Variants in SLC4A5 observed in about 807,000 individuals in gnomAD.
SLC4A5 encodes the protein electrogenic sodium bicarbonate cotransporter 4.
A neutral mutation model predicts 120.4 loss-of-function variants in SLC4A5; 96 were observed. The observed-to-expected ratio is 0.80, with a 90% CI of 0.68 to 0.94. The LOEUF (loss-of-function observed/expected upper bound fraction) is 0.94. Among genes scored for constraint, SLC4A5 ranks in the 40% least tolerant of loss-of-function variants. The probability of loss-of-function intolerance (pLI) is 0.00; values close to 1 mark genes in which losing one functional copy is unlikely to be tolerated. For missense variants in SLC4A5, 1,259 were observed against 1,459.5 expected, an observed-to-expected ratio of 0.86 and a Z score of 2.24; for synonymous variants, 550 against 571.1, an observed-to-expected ratio of 0.96 and a Z score of 0.53.
At chr2:74,284,159 T>C (rs1322269642) in intron 8 of SLC4A5, among the ~76,000 whole-genome samples, 8 of 117,556 alleles carry the variant, frequency 6.8e-5, no homozygotes, top group African/African-American at 4.1e-4. Context: ...TTATTCCTTA[T>C]TTCTTTTTTT....
In SLC4A5 at chr2:74,309,757, G is replaced by A. The variant is rs868468320; in HGVS notation, c.80-5077C>T. On this transcript the variant is annotated intron_variant, in intron 6 of 30. Transcript: ENST00000394019. ...TGCAAGCTCTGCCTCCCGGGTTCAC[G>A]CCATTCTCCTGCCTCAGGGTCCTGA... Among the ~76,000 whole-genome samples, 93 of 151,220 alleles carry A rather than the reference G, an allele frequency of 6.1e-4. 1 individual carries two copies. The highest frequency in any genetic ancestry group is 2.1e-3 in the African/African-American group (87 of 41,164).
chr2:74,255,807 C>T lies in SLC4A5; in HGVS notation c.993G>A (p.Leu331=). 1.9e-6 allele frequency: 3 copies of T among 1,614,220 alleles called. No homozygotes were observed. The highest frequency in any genetic ancestry group is 8.5e-7 in the Non-Finnish European group (1 of 1,180,036). Residue 331 remains leucine, a synonymous_variant, in exon 13 of 31, where the codon CTG becomes CTA. Coordinates refer to ENST00000394019, the Ensembl canonical transcript of SLC4A5. This position sits in a 1 kb window ranked among gnomAD's most constrained non-coding sequence, Gnocchi z 4.0. Reference sequence around the variant, plus strand: ...GGACAGGCACCTCGGTCACTCCTCCCAGCATGGCCGACTGGATGAGGCGCA... The same window carrying T: ...GGACAGGCACCTCGGTCACTCCTCCTAGCATGGCCGACTGGATGAGGCGCA...
chr2:74,249,607 C>T (rs62147689), intron 17 of SLC4A5, among the ~76,000 whole-genome samples: 3,470 of 152,222 alleles, frequency 0.023, 64 homozygotes, highest in Non-Finnish European at 0.037. Flanking sequence ...TGCTTAGTTT[C>T]CGGTGTAGAC....
intron 14 of SLC4A5, among the ~76,000 whole-genome samples, chr2:74,253,750 C>T (rs749964543): frequency 6.6e-6 from 1 of 152,118 alleles, no homozygotes; most frequent in African/African-American, 2.4e-5. Context: ...AAAGAACTAA[C>T]ATTGGAATCA....
exon 21 of SLC4A5, chr2:74,239,369 T>C: frequency 6.2e-7 from 1 of 1,614,192 alleles, no homozygotes; most frequent in Non-Finnish European, 8.5e-7. Context: ...TTTGAACTTC[T>C]TCAGGGTCAG....
intron 20 of SLC4A5, among the ~76,000 whole-genome samples, chr2:74,241,710 C>A (rs1670453022): frequency 6.7e-6 from 1 of 149,416 alleles, no homozygotes; most frequent in Non-Finnish European, 1.5e-5. Context: ...CCACTGCTCT[C>A]CAGCCTGGGC....
chr2:74,286,812 A>C (rs1159605738), intron 7 of SLC4A5, among the ~76,000 whole-genome samples: 2 of 152,108 alleles, frequency 1.3e-5, no homozygotes, highest in African/African-American at 4.8e-5. Context: ...AGAACGAGCC[A>C]CTCTGCAGAT....
intron 12 of SLC4A5, among the ~76,000 whole-genome samples, chr2:74,258,645 A>AT (rs1242832274): frequency 6.6e-6 from 1 of 152,208 alleles, no homozygotes; most frequent in African/African-American, 2.4e-5. Context: ...TTGGTGTGTT[A>AT]TTTAACTGCT....
chr2:74,255,431 T>G lies in SLC4A5; in HGVS notation c.1025+344A>C, dbSNP rs990030770. 6.6e-6 allele frequency among the ~76,000 whole-genome samples: 1 copy of G among 152,150 alleles called. No individual in the cohort carries two copies. Among genetic ancestry groups the G allele is most frequent in the African/African-American group, 2.4e-5 (1 of 41,432 alleles). On this transcript the variant is annotated intron_variant, in intron 13 of 30. Transcript: ENST00000394019. The surrounding 1 kb of genome is among the most constrained non-coding windows in gnomAD (Gnocchi z 4.0). Reference sequence around the variant, plus strand: ...CCTCAGCCTCCCGAGGAGCTGGGATTACAGGCGCGTACCACCACACCTGGC... The same window carrying G: ...CCTCAGCCTCCCGAGGAGCTGGGATGACAGGCGCGTACCACCACACCTGGC...
chr2:74,316,643 C>T (rs1171334371), intron 5 of SLC4A5, among the ~76,000 whole-genome samples: 2 of 152,208 alleles, frequency 1.3e-5, no homozygotes, highest in African/African-American at 4.8e-5. Flanking sequence ...CACGCCTACA[C>T]TTGAAGAATA....
chr2:74,243,127 G>C (rs975805319), intron 19 of SLC4A5, among the ~76,000 whole-genome samples: 5 of 152,196 alleles, frequency 3.3e-5, no homozygotes, highest in African/African-American at 7.2e-5. Flanking sequence ...TCCTTGCTGG[G>C]TACTTCCCTA....
chr2:74,221,549 A>G (rs1308154202), intron 29 of SLC4A5, 48 bp from the exon 30 acceptor site: 13 of 1,581,756 alleles, frequency 8.2e-6, no homozygotes, highest in Non-Finnish European at 1.1e-5. Flanking sequence ...TTTGAGCACC[A>G]TATTTCTCCG....
intron 5 of SLC4A5, among the ~76,000 whole-genome samples, chr2:74,324,651 T>TATGGTGTGAAGAGTACAG (rs1673176354): frequency 6.6e-6 from 1 of 152,152 alleles, no homozygotes; most frequent in South Asian, 2.1e-4. Context: ...CCTACTCCAG[T>TATGGTGTGAAGAGTACAG]ATGGTGTGAA....
At chr2:74,223,460 C>T (rs899535123) in intron 28 of SLC4A5, among the ~76,000 whole-genome samples, 4 of 152,200 alleles carry the variant, frequency 2.6e-5, no homozygotes, top group African/African-American at 7.2e-5. Flanking sequence ...TACACACCAT[C>T]AGACAGACCG....
At chr2:74,218,846 T>C (rs1694522159) in intron 30 of SLC4A5, 54 bp from the exon 31 acceptor site, 1 of 152,640 alleles carries the variant, frequency 6.6e-6, no homozygotes, top group Admixed American at 6.5e-5. Context: ...TTTGAACCCA[T>C]CCCCTAGAGC....
At chr2:74,261,322 C>A (rs1218330775) in intron 11 of SLC4A5, among the ~76,000 whole-genome samples, 1 of 152,176 alleles carries the variant, frequency 6.6e-6, no homozygotes, top group Non-Finnish European at 1.5e-5. Flanking sequence ...TGTGGCATAA[C>A]AAAGCTGGGG....
intron 8 of SLC4A5, 117 bp downstream of exon 8, chr2:74,285,656 T>C: frequency 8.0e-7 from 1 of 1,248,782 alleles, no homozygotes; most frequent in Admixed American, 2.4e-5. Flanking sequence ...GCTGGGAGGG[T>C]CTTTGTGGAC....
intron 11 of SLC4A5, among the ~76,000 whole-genome samples, chr2:74,261,400 G>T (rs1671130851): frequency 6.6e-6 from 1 of 152,188 alleles, no homozygotes; most frequent in Non-Finnish European, 1.5e-5. Flanking sequence ...TGTGCCCAAG[G>T]CCACAGGCAG....
intron 3 of SLC4A5, among the ~76,000 whole-genome samples, chr2:74,336,065 T>A (rs1673480444): frequency 6.6e-6 from 1 of 152,030 alleles, no homozygotes; most frequent in Admixed American, 6.6e-5. Context: ...GTCATTTCAT[T>A]TATTTATTTA....
Sources: allele counts gnomAD v4.1 joint callset (sites outside exome capture counted in the v4.1 genomes callset), GRCh38; gene constraint gnomAD v4.1.1; non-coding constraint Gnocchi (gnomAD v3.1); transcripts MANE v1.5; gene names NCBI Gene and HGNC (gene_info 2026-07-23, HGNC 2026-07-21).